MAP4K1: variants seen among roughly 807,000 people sequenced by gnomAD.
MAP4K1 encodes the protein MAPK/ERK kinase kinase kinase 1.
MAP4K1 carries 35 observed loss-of-function variants against 122.8 expected under a neutral mutation model. The ratio of observed to expected loss-of-function variants is 0.29; its 90% confidence interval spans 0.22 to 0.38. The LOEUF (loss-of-function observed/expected upper bound fraction) is 0.38, where lower values mean the gene tolerates loss of function less well. Ranked by LOEUF, MAP4K1 falls within the 10% of genes least tolerant of loss-of-function variation. MAP4K1 has a pLI of 1.00. For synonymous variants in MAP4K1, 412 were observed against 421.3 expected, an observed-to-expected ratio of 0.98 and a Z score of 0.27; for missense variants, 791 against 1,072.6, an observed-to-expected ratio of 0.74 and a Z score of 3.67.
intron 9 of MAP4K1, among the ~76,000 whole-genome samples, chr19:38,612,104 T>C (rs908695012): frequency 3.3e-5 from 5 of 150,376 alleles, no homozygotes; most frequent in African/African-American, 1.2e-4. Context: ...ATCTCAAAAA[T>C]AAATAAATAA....
intron 13 of MAP4K1, 95 bp from the exon 14 acceptor site, chr19:38,608,265 T>C: frequency 1.9e-6 from 1 of 531,010 alleles, no homozygotes; most frequent in Non-Finnish European, 3.3e-6. Flanking sequence ...GGCGGGGGGG[T>C]TGCAGTCAGG....
Position 38,612,725 on chromosome 19 carries a change from G to A in MAP4K1, c.551C>T (p.Ala184Val). ...GTATCCTCCCTTCAGGGCCACAGCT[G>A]CCACTTCCGGAGCCATCCTGGGGGC... Reference protein sequence around the residue: ...GTPYWMAPEVAAVALKGGYNE... With the variant: ...GTPYWMAPEVVAVALKGGYNE... The change falls in exon 9 of 31, where the codon GCA (alanine) becomes GTA (valine). Residue 184 changes from alanine (A) to valine (V), a missense_variant. Coordinates refer to ENST00000396857, the MANE Select transcript of MAP4K1 (RefSeq NM_001042600.3). The A allele has an allele frequency of 6.2e-7, 1 of 1,613,332 alleles. No individual in the cohort carries two copies. Among genetic ancestry groups the A allele is most frequent in the Non-Finnish European group, 8.5e-7 (1 of 1,179,672 alleles).
At chr19:38,601,399 C>T (rs747569192) in intron 20 of MAP4K1, 42 bp downstream of exon 20, 1 of 1,548,960 alleles carries the variant, frequency 6.5e-7, no homozygotes, top group Non-Finnish European at 8.8e-7. Context: ...CTTTTGCTCT[C>T]CCATTCCCTA....
chr19:38,597,954 C>G lies in MAP4K1; in HGVS notation c.1670-360G>C, dbSNP rs1157455211. On this transcript the variant is annotated intron_variant, in intron 22 of 30. Coordinates refer to ENST00000396857, the MANE Select transcript of MAP4K1 (RefSeq NM_001042600.3). The surrounding 1 kb of genome is among the most constrained non-coding windows in gnomAD (Gnocchi z 4.6). ...TAGAAAATCTTCTAGTTTGTCATCA[C>G]AGATGTGGCTTTCACTAACTCATGA... Among the ~76,000 whole-genome samples the G allele has an allele frequency of 6.6e-6, 1 of 152,186 alleles. No homozygotes were observed. Among genetic ancestry groups the G allele is most frequent in the Non-Finnish European group, 1.5e-5 (1 of 68,038 alleles).
rs200216392 is a variant in MAP4K1 at position 38,593,843 on chromosome 19, TA to T, written c.2341-507del. ...TTGCAATGAGCCAAGATTGTGCCAC[TA>T]ACACTCCAGTCTGGGGAACAGAGCG... On this transcript the variant is annotated intron_variant, in intron 29 of 30. Transcript: ENST00000396857. Among the ~76,000 whole-genome samples, 1,225 of 152,238 alleles carry T rather than the reference TA, an allele frequency of 8.0e-3. 33 individuals carry two copies. The highest frequency in any genetic ancestry group is 0.059 in the East Asian group (307 of 5,168).
intron 19 of MAP4K1, among the ~76,000 whole-genome samples, chr19:38,602,539 C>CATACATATATATACACACATATACAT (rs1975106598): frequency 6.8e-6 from 1 of 147,966 alleles, no homozygotes; most frequent in African/African-American, 2.5e-5. Context: ...CATATATACA[C>CATACATATATATACACACATATACAT]ATATACATAT....
chr19:38,609,046 G>A (rs1461752070), intron 13 of MAP4K1, among the ~76,000 whole-genome samples: 1 of 152,072 alleles, frequency 6.6e-6, no homozygotes, highest in African/African-American at 2.4e-5. Flanking sequence ...GTTACAGGGT[G>A]TTTTCAGGAT....
intron 30 of MAP4K1, 136 bp from the exon 31 acceptor site, chr19:38,587,953 C>G (rs1201867556): frequency 1.4e-6 from 1 of 691,340 alleles, no homozygotes; most frequent in East Asian, 2.7e-5. Context: ...ACGGTCCCTG[C>G]CCTTAGGAAG....
chr19:38,609,973 A>G lies in MAP4K1; in HGVS notation c.863T>C (p.Leu288Pro). Residue 288 changes from leucine (L) to proline (P), a missense_variant, in exon 12 of 31, where the codon CTT (leucine) becomes CCT (proline). Leu to Pro is a moderately conservative substitution (Grantham distance 98, BLOSUM62 -3). Transcript: ENST00000396857. The stretch of plus-strand genomic sequence containing the variant: ...TTTCCCGGGATTCTTCAGTTTGTCA[A>G]GAAGATCCAGGATCAGGCCTCGATT... Reference protein sequence around the residue: ...GLNRGLILDLLDKLKNPGKGP... With the variant: ...GLNRGLILDLPDKLKNPGKGP... 1.9e-6 allele frequency: 3 copies of G among 1,614,220 alleles called. No homozygotes were observed. The highest frequency in any genetic ancestry group is 2.5e-6 in the Non-Finnish European group (3 of 1,180,032).
At chr19:38,591,266 C>T (rs978698877) in intron 30 of MAP4K1, among the ~76,000 whole-genome samples, 22 of 151,898 alleles carry the variant, frequency 1.4e-4, no homozygotes, top group Admixed American at 3.9e-4. Context: ...CAGTGGCTCA[C>T]GCCTGTAATC....
At chr19:38,601,278 C>T (rs1171909232) in intron 20 of MAP4K1, 163 bp downstream of exon 20, 1 of 602,888 alleles carries the variant, frequency 1.7e-6, no homozygotes, top group Non-Finnish European at 2.9e-6. Context: ...TCACCAAATC[C>T]TGAGTGTAAG....
intron 30 of MAP4K1, among the ~76,000 whole-genome samples, chr19:38,588,057 G>A (rs534111898): frequency 6.6e-6 from 1 of 152,296 alleles, no homozygotes; most frequent in African/African-American, 2.4e-5. Context: ...AACCCAGGAG[G>A]TCAGCCCAGA....
chr19:38,611,697 T>A, intron 9 of MAP4K1, among the ~76,000 whole-genome samples: 1 of 152,140 alleles, frequency 6.6e-6, no homozygotes. Context: ...GGAGGATCAT[T>A]TGAGCCCCGG....
rs766097630 is a variant in MAP4K1, at chr19:38,600,051, T to TGCCCTG, written c.1608+20_1608+25dup. ...AACCCCCGACTCCGGCCCTTGCCCT[T>TGCCCTG]GCCCTGGCCCGGTATGGTTCCTCAC... On this transcript the variant is annotated intron_variant, in intron 21 of 30. Transcript: ENST00000396857. 2.4e-5 allele frequency: 39 copies of TGCCCTG among 1,614,036 alleles called. 1 individual carries two copies. The East Asian group carries it at 7.6e-4, about 31-fold the overall frequency.
chr19:38,614,575 A>G, intron 4 of MAP4K1, 130 bp from the exon 5 acceptor site: 1 of 942,048 alleles, frequency 1.1e-6, no homozygotes, highest in Non-Finnish European at 1.7e-6. Flanking sequence ...GACCAGTGGG[A>G]GGGGGAGATG....
intron 30 of MAP4K1, 153 bp downstream of exon 30, chr19:38,593,129 C>T: frequency 1.7e-6 from 1 of 594,682 alleles, no homozygotes; most frequent in Non-Finnish European, 2.8e-6. Flanking sequence ...GGCTGCAGTG[C>T]AGAGAACAGA....
intron 29 of MAP4K1, among the ~76,000 whole-genome samples, chr19:38,594,533 G>A (rs775535963): frequency 2.6e-5 from 4 of 151,914 alleles, no homozygotes; most frequent in African/African-American, 7.3e-5. Flanking sequence ...CCAGCTACTC[G>A]GGAGGCTGAG....
At chr19:38,594,890 G>A (rs1479709800) in intron 29 of MAP4K1, among the ~76,000 whole-genome samples, 2 of 151,710 alleles carry the variant, frequency 1.3e-5, no homozygotes, top group African/African-American at 4.8e-5. Flanking sequence ...GCAGTGAGCC[G>A]AGATCGCGCC....
At chr19:38,600,979 T>G (rs1975044418) in intron 20 of MAP4K1, among the ~76,000 whole-genome samples, 1 of 152,066 alleles carries the variant, frequency 6.6e-6, no homozygotes, top group East Asian at 1.9e-4. Flanking sequence ...CTAATTTTTG[T>G]GTTTTTAGTA....
Sources: allele counts gnomAD v4.1 joint callset (sites outside exome capture counted in the v4.1 genomes callset), GRCh38; gene constraint gnomAD v4.1.1; non-coding constraint Gnocchi (gnomAD v3.1); transcripts MANE v1.5; gene names NCBI Gene and HGNC (gene_info 2026-07-23, HGNC 2026-07-21).